The following EYS variants were observed in gnomAD, a reference collection of about 807,000 sequenced individuals.
EYS encodes protein eyes shut homolog.
In EYS, 250 loss-of-function variants were observed where a neutral mutation model predicts 282.1. That is an observed-to-expected ratio of 0.89 (90% CI 0.80 to 0.98). The LOEUF (loss-of-function observed/expected upper bound fraction) is 0.98, where lower values mean the gene tolerates loss of function less well. Ranked by LOEUF, EYS falls within the 50% of genes least tolerant of loss-of-function variation. The pLI is 0.00. For missense variants in EYS, 4,016 were observed against 3,709.0 expected, an observed-to-expected ratio of 1.08 and a Z score of -2.15; for synonymous variants, 1,355 against 1,282.9, an observed-to-expected ratio of 1.06 and a Z score of -1.20.
intron 26 of EYS, among the ~76,000 whole-genome samples, chr6:64,517,821 A>C (rs537755739): frequency 8.0e-4 from 122 of 152,020 alleles, no homozygotes; most frequent in African/African-American, 2.9e-3. Flanking sequence ...GAGCACCTCA[A>C]AACTTCCCCA....
intron 40 of EYS, among the ~76,000 whole-genome samples, chr6:63,769,506 T>G (rs2149660005): frequency 6.6e-6 from 1 of 152,220 alleles, no homozygotes; most frequent in East Asian, 1.9e-4. Flanking sequence ...TTATGTATCC[T>G]TAATTGTCAG....
At chr6:64,809,244 C>G (rs1386523094) in intron 22 of EYS, among the ~76,000 whole-genome samples, 1 of 151,608 alleles carries the variant, frequency 6.6e-6, no homozygotes, top group South Asian at 2.1e-4. Flanking sequence ...AATTCTGTAA[C>G]AATAAAAAGA....
At chr6:64,910,081 C>T (rs372130592) in intron 16 of EYS, among the ~76,000 whole-genome samples, 28 of 152,180 alleles carry the variant, frequency 1.8e-4, no homozygotes, top group East Asian at 1.5e-3. Context: ...TCTACTCTTA[C>T]GACCTGTCCT....
intron 8 of EYS, among the ~76,000 whole-genome samples, chr6:65,371,122 AT>A (rs1765126933): frequency 6.6e-6 from 1 of 151,576 alleles, no homozygotes; most frequent in Non-Finnish European, 1.5e-5. Context: ...GGCTGAAAAT[AT>A]TTTTTAAGAC....
intron 2 of EYS, among the ~76,000 whole-genome samples, chr6:65,574,275 AGGTCTCCAATCAAATTC>A (rs1261856805): frequency 6.6e-6 from 1 of 152,178 alleles, no homozygotes; most frequent in Non-Finnish European, 1.5e-5. Context: ...GGAAAGTCAA[AGGTCTCCAATCAAATTC>A]GGTCCAAACA....
At chr6:65,242,397 GTC>G (rs900916959) in intron 12 of EYS, among the ~76,000 whole-genome samples, 3 of 152,100 alleles carry the variant, frequency 2.0e-5, no homozygotes, top group African/African-American at 7.2e-5. Context: ...CTTTGTGACT[GTC>G]TTGTTTTTAG....
intron 2 of EYS, among the ~76,000 whole-genome samples, chr6:65,582,101 C>A (rs1296767220): frequency 6.6e-6 from 1 of 151,612 alleles, no homozygotes; most frequent in Non-Finnish European, 1.5e-5. Context: ...GAGGCTGAGG[C>A]AGGACAATCG....
intron 22 of EYS, among the ~76,000 whole-genome samples, chr6:64,742,839 G>A (rs545411544): frequency 1.3e-5 from 2 of 152,090 alleles, no homozygotes; most frequent in Non-Finnish European, 2.9e-5. Context: ...GAGCTTAATC[G>A]TGTCATTCAT....
At chr6:65,037,240 C>G (rs951383325) in intron 13 of EYS, among the ~76,000 whole-genome samples, 2 of 151,708 alleles carry the variant, frequency 1.3e-5, no homozygotes, top group Admixed American at 1.3e-4. Flanking sequence ...ATTCTTACTT[C>G]TAAGTGGGAG....
chr6:65,450,616 T>C (rs1428770391), intron 5 of EYS, among the ~76,000 whole-genome samples: 1 of 152,094 alleles, frequency 6.6e-6, no homozygotes, highest in South Asian at 2.1e-4. Flanking sequence ...CCTCCCTCTT[T>C]CAGTCACAGA....
intron 12 of EYS, among the ~76,000 whole-genome samples, chr6:65,083,714 T>C (rs1349283072): frequency 6.6e-6 from 1 of 151,824 alleles, no homozygotes; most frequent in Non-Finnish European, 1.5e-5. Flanking sequence ...AGAGTAAACA[T>C]TGAACCAAAA....
intron 22 of EYS, among the ~76,000 whole-genome samples, chr6:64,662,786 G>A (rs567553316): frequency 5.9e-5 from 9 of 152,188 alleles, no homozygotes; most frequent in Admixed American, 3.3e-4. Context: ...GAGAATGATT[G>A]TGTTTTAATA....
chr6:63,794,514 A>G (rs1022797530), intron 37 of EYS, among the ~76,000 whole-genome samples: 1 of 152,204 alleles, frequency 6.6e-6, no homozygotes, highest in Non-Finnish European at 1.5e-5. Context: ...TTAAACATCT[A>G]TTTATGTCTT....
chr6:64,005,861 G>A (rs1254324757), intron 33 of EYS, among the ~76,000 whole-genome samples: 1 of 152,016 alleles, frequency 6.6e-6, no homozygotes, highest in Non-Finnish European at 1.5e-5. Context: ...ATGCTGTTTT[G>A]GTTACTCTAG....
At chr6:64,397,693 A>G (rs1773422192) in intron 28 of EYS, among the ~76,000 whole-genome samples, 1 of 151,950 alleles carries the variant, frequency 6.6e-6, no homozygotes, top group African/African-American at 2.4e-5. Flanking sequence ...GTTGGTAGAA[A>G]GCAGAAAATT....
intron 33 of EYS, among the ~76,000 whole-genome samples, chr6:64,052,863 G>GT (rs1339135981): frequency 6.6e-6 from 1 of 152,156 alleles, no homozygotes; most frequent in Non-Finnish European, 1.5e-5. Flanking sequence ...TGCCATGACT[G>GT]TAAGTTTGCT....
chr6:64,172,410 C>T (rs142214241), intron 31 of EYS, among the ~76,000 whole-genome samples: 235 of 152,316 alleles, frequency 1.5e-3, no homozygotes, highest in Non-Finnish European at 2.6e-3. Flanking sequence ...CTGGAAACCA[C>T]CATTCTATTT....
At chr6:64,174,358 T>C (rs1467713914) in intron 31 of EYS, among the ~76,000 whole-genome samples, 3 of 152,108 alleles carry the variant, frequency 2.0e-5, no homozygotes, top group South Asian at 2.1e-4. Context: ...CTCATTTGCT[T>C]GTTGAATAAA....
At chr6:63,912,447 C>T (rs534473180) in intron 35 of EYS, among the ~76,000 whole-genome samples, 1 of 152,150 alleles carries the variant, frequency 6.6e-6, no homozygotes, top group African/African-American at 2.4e-5. Context: ...ATTATTGCAA[C>T]ATATAATCAA....
Sources: allele counts gnomAD v4.1 joint callset (sites outside exome capture counted in the v4.1 genomes callset), GRCh38; gene constraint gnomAD v4.1.1; transcripts MANE v1.5; gene names NCBI Gene and HGNC (gene_info 2026-07-23, HGNC 2026-07-21).